SNRNP200: variants seen among roughly 807,000 people sequenced by gnomAD.
SNRNP200 encodes U5 small nuclear ribonucleoprotein 200 kDa helicase.
SNRNP200 carries 66 observed loss-of-function variants against 255.2 expected under a neutral mutation model. That is an observed-to-expected ratio of 0.26 (90% CI 0.21 to 0.32). The LOEUF (loss-of-function observed/expected upper bound fraction) is 0.32, where lower values mean the gene tolerates loss of function less well. Ranked by LOEUF, SNRNP200 falls within the 10% of genes least tolerant of loss-of-function variation. The pLI, the probability that SNRNP200 is intolerant of heterozygous loss-of-function variation, is 1.00. For synonymous variants in SNRNP200, 939 were observed against 1,027.8 expected, an observed-to-expected ratio of 0.91 and a Z score of 1.65; for missense variants, 1,585 against 2,749.8, an observed-to-expected ratio of 0.58 and a Z score of 9.47.
rs1237962335 is a variant in SNRNP200 at position 96,286,507 on chromosome 2, G to C, written c.3830-23C>G. 6.2e-7 allele frequency: 1 copy of C among 1,613,314 alleles called. No individual in the cohort carries two copies. Among genetic ancestry groups the C allele is most frequent in the Non-Finnish European group, 8.5e-7 (1 of 1,179,878 alleles). On this transcript the variant is annotated intron_variant, in intron 28 of 44. Coordinates refer to ENST00000323853, the MANE Select transcript of SNRNP200 (RefSeq NM_014014.5). This position sits in a 1 kb window ranked among gnomAD's most constrained non-coding sequence, Gnocchi z 4.8. ...AAGCTGCCAGAAAAGAAACAGGAAG[G>C]ATATAAGCACTGCTCTCTTTCCCTC... is the stretch of plus-strand genomic sequence containing the variant.
rs550256105 is a variant in SNRNP200, at chr2:96,284,215, T to C, written c.4392+143A>G. The C allele has an allele frequency of 2.4e-5, 21 of 885,906 alleles. No homozygotes were observed. In the South Asian group the frequency reaches 3.0e-4, roughly 13 times the overall value. 54.9% of individuals were successfully genotyped at this position (885,906 alleles called of 1,614,324 possible). ...TAAAGTACTACCAAAAAAGTTAACATTGTCCCTTTGGAATAGGGCAGCAGG... is the reference window on the plus strand; with the variant it reads ...TAAAGTACTACCAAAAAAGTTAACACTGTCCCTTTGGAATAGGGCAGCAGG... On this transcript the variant is annotated intron_variant, in intron 31 of 44. Transcript: ENST00000323853.
rs1180960110 is a variant in SNRNP200 at position 96,290,547 on chromosome 2, G to A, written c.2554-33C>T. ...AGAGACAGCGAACCAAGAATGCTAT[G>A]TCAAGAGAATGTCTGAATTTTGATG... is the stretch of plus-strand genomic sequence containing the variant. On this transcript the variant is annotated intron_variant, in intron 19 of 44. Transcript: ENST00000323853. This position sits in a 1 kb window ranked among gnomAD's most constrained non-coding sequence, Gnocchi z 4.5. The A allele has an allele frequency of 6.2e-7, 1 of 1,613,882 alleles. No homozygotes were observed. The highest frequency in any genetic ancestry group is 1.1e-5 in the South Asian group (1 of 91,072).
At position 96,286,890 on chromosome 2, in the gene SNRNP200, G is replaced by A. The variant is rs768081523; in HGVS notation, c.3640-13C>T. 3.1e-6 allele frequency: 5 copies of A among 1,614,062 alleles called. No individual in the cohort carries two copies. The highest frequency in any genetic ancestry group is 3.3e-5 in the Admixed American group (2 of 60,004). On this transcript the variant is annotated splice_polypyrimidine_tract_variant and intron_variant, in intron 27 of 44. Coordinates refer to ENST00000323853, the MANE Select transcript of SNRNP200 (RefSeq NM_014014.5). This position sits in a 1 kb window ranked among gnomAD's most constrained non-coding sequence, Gnocchi z 4.8. The stretch of plus-strand genomic sequence containing the variant: ...ATGAACCATGCACCTGCCAACAGGA[G>A]CAAGGGTAAAAGGAATGTGAGTCAA...
At chr2:96,284,249 T>G in intron 31 of SNRNP200, 109 bp downstream of exon 31, 15 of 1,006,338 alleles carry the variant, frequency 1.5e-5, no homozygotes, top group Non-Finnish European at 2.3e-5. Context: ...GGTAGAATCC[T>G]CTGGGGAGAA....
At chr2:96,298,776 G>T in intron 7 of SNRNP200, 39 bp downstream of exon 7, 1 of 1,613,990 alleles carries the variant, frequency 6.2e-7, no homozygotes, top group Middle Eastern at 1.6e-4. Context: ...CATGTGCTAA[G>T]ATACACTAAA....
In SNRNP200 at chr2:96,283,865, G is replaced by A. The variant is rs2063824752; in HGVS notation, c.4532C>T (p.Thr1511Ile). 1.3e-6 allele frequency: 2 copies of A among 1,597,330 alleles called. No homozygotes were observed. The highest frequency in any genetic ancestry group is 1.8e-5 in the Admixed American group (1 of 56,542). ...AHWLGCSATS[T>I]FNFHPNVRPV... ...ACGCACATTGGGATGGAAGTTGAAG[G>A]TGGAGGTGGCACTGCAGCCCAGCCA... The change falls in exon 32 of 45, where the codon ACC (threonine) becomes ATC (isoleucine). Residue 1511 changes from threonine (T) to isoleucine (I), a missense_variant. Transcript: ENST00000323853. The surrounding 1 kb of genome is among the most constrained non-coding windows in gnomAD (Gnocchi z 4.7).
At chr2:96,284,675 C>G (rs1219335485) in intron 30 of SNRNP200, 90 bp from the exon 31 acceptor site, 3 of 863,738 alleles carry the variant, frequency 3.5e-6, no homozygotes, top group Non-Finnish European at 5.9e-6. Flanking sequence ...CCAAACAGAC[C>G]TGTTGACCTG....
chr2:96,296,426 GGAGGCAT>G (rs2104356404), intron 13 of SNRNP200, 103 bp downstream of exon 13: 1 of 1,072,220 alleles, frequency 9.3e-7, no homozygotes, highest in East Asian at 2.6e-5. Context: ...AACAATCCCA[GGAGGCAT>G]GCCAGAGATG....
chr2:96,298,160 AC>A, intron 9 of SNRNP200, 123 bp downstream of exon 9: 1 of 1,426,630 alleles, frequency 7.0e-7, no homozygotes, highest in South Asian at 1.2e-5. Flanking sequence ...GCACTGATAA[AC>A]CCCAAAGAAT....
In SNRNP200 at chr2:96,286,471, C is replaced by G; in HGVS notation, c.3843G>C (p.Gln1281His). The G allele has an allele frequency of 6.2e-7, 1 of 1,614,126 alleles. No individual in the cohort carries two copies. The highest frequency in any genetic ancestry group is 8.5e-7 in the Non-Finnish European group (1 of 1,180,032). Residue 1281 changes from glutamine to histidine, a missense_variant, in exon 29 of 45, where the codon CAG becomes CAC. Transcript: ENST00000323853. The surrounding 1 kb of genome is among the most constrained non-coding windows in gnomAD (Gnocchi z 4.8). ...VSDRWLSCET[Q>H]LPVSFRHLIL... ...TCAGGTGCCGGAAGGAGACAGGCAG[C>G]TGGGTCTCACAAGCTGCCAGAAAAG... is the stretch of plus-strand genomic sequence containing the variant.
chr2:96,275,717 C>T (rs1464473551), intron 43 of SNRNP200, among the ~76,000 whole-genome samples: 1 of 152,134 alleles, frequency 6.6e-6, no homozygotes, highest in African/African-American at 2.4e-5. Context: ...TGAGAAAAAG[C>T]TTAGGCTGGG....
chr2:96,293,589 G>A lies in SNRNP200; in HGVS notation c.1843-80C>T, dbSNP rs1355346054. The stretch of plus-strand genomic sequence containing the variant: ...TTCCTGGAATTGTCCCATATTGTAG[G>A]CATATAACCTAATATGCCTAAGAAA... On this transcript the variant is annotated intron_variant, in intron 14 of 44. Coordinates refer to ENST00000323853, the MANE Select transcript of SNRNP200 (RefSeq NM_014014.5). 15 of 1,349,182 alleles carry A rather than the reference G, an allele frequency of 1.1e-5. No individual in the cohort carries two copies. In the East Asian group the frequency reaches 2.7e-4, roughly 25 times the overall value. The allele number at this position is 1,349,182 out of a possible 1,614,324, so 83.6% of individuals were successfully genotyped here.
At chr2:96,302,654 T>C (rs1217406329) in intron 3 of SNRNP200, among the ~76,000 whole-genome samples, 2 of 152,324 alleles carry the variant, frequency 1.3e-5, no homozygotes, top group East Asian at 1.9e-4. Flanking sequence ...TCCCACTTCA[T>C]GATGCCAGTC....
chr2:96,283,792 G>T lies in SNRNP200; in HGVS notation c.4584+21C>A. 2 of 1,613,812 alleles carry T rather than the reference G, an allele frequency of 1.2e-6. No individual in the cohort carries two copies. Among genetic ancestry groups the T allele is most frequent in the Non-Finnish European group, 1.7e-6 (2 of 1,179,826 alleles). On this transcript the variant is annotated intron_variant, in intron 32 of 44. Transcript: ENST00000323853. This position sits in a 1 kb window ranked among gnomAD's most constrained non-coding sequence, Gnocchi z 4.7. Reference sequence around the variant, plus strand: ...GGATCTATGTGACACCCCACAGACGGATGAGGAGAGTGGGTCCTACCTGGA... The same window carrying T: ...GGATCTATGTGACACCCCACAGACGTATGAGGAGAGTGGGTCCTACCTGGA...
chr2:96,277,796 CCA>C lies in SNRNP200; in HGVS notation c.5754+9_5754+10del. ...CACCACTGACCCCTCTGCCCCACAC[CCA>C]CACTCTACCTTACTAAGGATTTCCT... On this transcript the variant is annotated intron_variant, in intron 40 of 44. Transcript: ENST00000323853. This position sits in a 1 kb window ranked among gnomAD's most constrained non-coding sequence, Gnocchi z 4.4. 6.2e-7 allele frequency: 1 copy of C among 1,614,208 alleles called. No homozygotes were observed. Among genetic ancestry groups the C allele is most frequent in the Non-Finnish European group, 8.5e-7 (1 of 1,180,036 alleles).
In SNRNP200 at chr2:96,287,441, A is replaced by C. The variant is rs202181016; in HGVS notation, c.3482T>G (p.Ile1161Ser). 1 of 1,601,878 alleles carries C rather than the reference A, an allele frequency of 6.2e-7. No homozygotes were observed. Among genetic ancestry groups the C allele is most frequent in the Non-Finnish European group, 8.6e-7 (1 of 1,168,864 alleles). The change falls in exon 26 of 45, where the codon ATT (isoleucine) becomes AGT (serine). Residue 1161 changes from isoleucine to serine, a missense_variant and splice_region_variant. By Grantham distance (142) the Ile-to-Ser change is moderately radical. Transcript: ENST00000323853. This position sits in a 1 kb window ranked among gnomAD's most constrained non-coding sequence, Gnocchi z 5.7. ...AAGGGCGAGAGCATCCCACACACCA[A>C]TCTCATTATGATTCAGGTCGTACAG... Reference protein sequence around the residue: ...ERLYDLNHNEIGELIRMPKMG... With the variant: ...ERLYDLNHNESGELIRMPKMG...
At chr2:96,279,417 C>T (rs752893975) in intron 36 of SNRNP200, 34 bp downstream of exon 36, 16 of 1,332,324 alleles carry the variant, frequency 1.2e-5, no homozygotes, top group Middle Eastern at 1.8e-4. Flanking sequence ...TCTGAGGCTA[C>T]GGATCCAAGA....
At chr2:96,284,215 T>G in intron 31 of SNRNP200, 143 bp downstream of exon 31, 1 of 885,904 alleles carries the variant, frequency 1.1e-6, no homozygotes, top group Non-Finnish European at 1.8e-6. Flanking sequence ...AAAGTTAACA[T>G]TGTCCCTTTG....
At chr2:96,302,332 A>G (rs1422839082) in intron 3 of SNRNP200, among the ~76,000 whole-genome samples, 1 of 152,202 alleles carries the variant, frequency 6.6e-6, no homozygotes, top group Admixed American at 6.5e-5. Context: ...GCCAACCAGT[A>G]CAGCCCACAA....
Sources: gnomAD v4.1 joint callset for allele counts (sites outside exome capture counted in the v4.1 genomes callset) on GRCh38, gnomAD v4.1.1 for gene constraint, Gnocchi (gnomAD v3.1) non-coding constraint, MANE v1.5 for transcripts, NCBI Gene and HGNC (gene_info 2026-07-23, HGNC 2026-07-21) for gene names.